The following BAHCC1 variants were observed in gnomAD, a reference collection of about 807,000 sequenced individuals.
The protein encoded by BAHCC1 is BAH and coiled-coil domain-containing protein 1.
A neutral mutation model predicts 88.2 loss-of-function variants in BAHCC1; 43 were observed. The observed-to-expected ratio is 0.49, with a 90% confidence interval of 0.38 to 0.63. The LOEUF (loss-of-function observed/expected upper bound fraction) is 0.63. Ranked by LOEUF, BAHCC1 falls within the 20% of genes least tolerant of loss-of-function variation. The pLI is 0.00. For missense variants in BAHCC1, 3,023 were observed against 1,654.8 expected, an observed-to-expected ratio of 1.83 and a Z score of -14.34; for synonymous variants, 1,510 against 745.5, an observed-to-expected ratio of 2.03 and a Z score of -16.71.
In BAHCC1 at chr17:81,399,791, A is replaced by G; in HGVS notation, c.52A>G (p.Ser18Gly). 7.9e-7 allele frequency: 1 copy of G among 1,259,202 alleles called. No individual in the cohort carries two copies. Among genetic ancestry groups the G allele is most frequent in the Non-Finnish European group, 1.0e-6 (1 of 1,003,996 alleles). 78.0% of individuals were successfully genotyped at this position (1,259,202 alleles called of 1,614,324 possible). ...GCCGCATCTGCTGTCGGAGCGCGGG[A>G]GCCTGGGCCACCGCAGCGCCGCTGC... ...PPPHLLSERGSLGHRSAAAAA... is the reference protein window; with the variant it reads ...PPPHLLSERGGLGHRSAAAAA... The change falls in exon 2 of 28, where the codon AGC becomes GGC. Residue 18 changes from serine to glycine, a missense_variant. Transcript: ENST00000675386. The surrounding 1 kb of genome is among the most constrained non-coding windows in gnomAD (Gnocchi z 4.5).
chr17:81,420,840 G>C (rs1462023329), intron 2 of BAHCC1, among the ~76,000 whole-genome samples: 1 of 152,268 alleles, frequency 6.6e-6, no homozygotes, highest in East Asian at 1.9e-4. Flanking sequence ...CCTGTGATGA[G>C]AGCTGATGGG....
intron 2 of BAHCC1, among the ~76,000 whole-genome samples, chr17:81,418,934 TCACA>T (rs1239928067): frequency 1.3e-5 from 2 of 151,650 alleles, no homozygotes; most frequent in African/African-American, 4.9e-5. Flanking sequence ...ACCCCGTGAG[TCACA>T]CACAGTCCCT....
intron 2 of BAHCC1, among the ~76,000 whole-genome samples, chr17:81,425,803 G>A (rs2143400829): frequency 6.8e-6 from 1 of 146,964 alleles, no homozygotes; most frequent in African/African-American, 2.5e-5. Context: ...GGGTGATGGT[G>A]GGTCGTGGTG....
intron 2 of BAHCC1, chr17:81,407,066 T>C (rs1248960481): frequency 2.3e-6 from 1 of 442,518 alleles, no homozygotes; most frequent in African/African-American, 2.0e-5. Flanking sequence ...ATGCGGGGAC[T>C]CTGAGGCTGG....
Position 81,435,359 on chromosome 17 carries a change from C to A in BAHCC1, c.359-3011C>A. On this transcript the variant is annotated intron_variant, in intron 3 of 27. Transcript: ENST00000675386. This position sits in a 1 kb window ranked among gnomAD's most constrained non-coding sequence, Gnocchi z 4.4. ...CAGGACTGAGTTTGGAGTCTCCTGC[C>A]CACCGCAGTAGCAGGGGCAGGATGT... 3 of 453,410 alleles carry A rather than the reference C, an allele frequency of 6.6e-6. No individual in the cohort carries two copies. Among genetic ancestry groups the A allele is most frequent in the South Asian group, 4.7e-5 (3 of 63,832 alleles). 28.1% of individuals were successfully genotyped at this position (453,410 alleles called of 1,614,324 possible). A position where few individuals can be genotyped will look rare whatever the true frequency, so the allele number is the denominator to read the frequency against.
intron 14 of BAHCC1, among the ~76,000 whole-genome samples, chr17:81,453,411 G>T (rs111617931): frequency 0.018 from 2,693 of 152,362 alleles, 102 homozygotes; most frequent in African/African-American, 0.061. Flanking sequence ...GTGCGTGTGC[G>T]CACTGCATCA....
At chr17:81,450,712 AG>A (rs1251850342) in intron 11 of BAHCC1, among the ~76,000 whole-genome samples, 1 of 152,082 alleles carries the variant, frequency 6.6e-6, no homozygotes, top group Non-Finnish European at 1.5e-5. Flanking sequence ...TGCTCCTCTG[AG>A]AAGGGTCACA....
rs782384207 is a variant in BAHCC1, at chr17:81,452,124, G to A, written c.4316+17G>A. The A allele has an allele frequency of 1.9e-5, 11 of 592,674 alleles. No individual in the cohort carries two copies. The highest frequency in any genetic ancestry group is 4.5e-4 in the Middle Eastern group (1 of 2,212). 36.7% of individuals were successfully genotyped at this position (592,674 alleles called of 1,614,324 possible). A position where few individuals can be genotyped will look rare whatever the true frequency, so the allele number is the denominator to read the frequency against. On this transcript the variant is annotated intron_variant, in intron 13 of 27. Transcript: ENST00000675386. ...CGACCATGAGTACGCCTGGCGTGGC[G>A]GGGGGGCCTGGGAGGGTCGCAGCAC...
Position 81,434,205 on chromosome 17 carries a change from A to T in BAHCC1, c.359-4165A>T, listed in dbSNP as rs1277827904. Among the ~76,000 whole-genome samples, 1 of 152,130 alleles carries T rather than the reference A, an allele frequency of 6.6e-6. No individual in the cohort carries two copies. Among genetic ancestry groups the T allele is most frequent in the Non-Finnish European group, 1.5e-5 (1 of 68,008 alleles). ...ACAGTGGGTATTTGAGACAGTGCCC[A>T]CAGCCTCCCACGTTCCCCAGGGCCT... On this transcript the variant is annotated intron_variant, in intron 3 of 27. Transcript: ENST00000675386. The surrounding 1 kb of genome is among the most constrained non-coding windows in gnomAD (Gnocchi z 4.9).
chr17:81,413,068 C>T (rs782163476), intron 2 of BAHCC1: 36 of 418,500 alleles, frequency 8.6e-5, no homozygotes, highest in African/African-American at 3.9e-4. Flanking sequence ...CCACACCAAG[C>T]GCCAATTACA....
intron 2 of BAHCC1, among the ~76,000 whole-genome samples, chr17:81,417,699 G>A (rs961932393): frequency 7.2e-5 from 11 of 152,150 alleles, no homozygotes; most frequent in East Asian, 5.8e-4. Flanking sequence ...CCGTTTCCAC[G>A]CTGATTGGGT....
intron 2 of BAHCC1, among the ~76,000 whole-genome samples, chr17:81,416,692 G>GC (rs1330486224): frequency 1.3e-5 from 2 of 152,198 alleles, no homozygotes; most frequent in Non-Finnish European, 2.9e-5. Context: ...GTGAGAGCCT[G>GC]CCCCCCTGGC....
intron 11 of BAHCC1, among the ~76,000 whole-genome samples, chr17:81,449,275 C>G (rs1392966149): frequency 1.3e-5 from 2 of 152,154 alleles, no homozygotes; most frequent in African/African-American, 4.8e-5. Context: ...CATGGTCCCC[C>G]CCTGGGCCCC....
chr17:81,421,536 G>A (rs1469916990), intron 2 of BAHCC1, among the ~76,000 whole-genome samples: 2 of 152,210 alleles, frequency 1.3e-5, no homozygotes. Context: ...CACTCGCAGG[G>A]GTCACCACAG....
chr17:81,433,733 G>T (rs1216816016), intron 3 of BAHCC1, among the ~76,000 whole-genome samples: 1 of 152,012 alleles, frequency 6.6e-6, no homozygotes, highest in African/African-American at 2.4e-5. Context: ...CCCCGGGCAG[G>T]TGTCGTCAGT....
intron 10 of BAHCC1, among the ~76,000 whole-genome samples, chr17:81,446,110 G>T (rs1413866642): frequency 5.9e-5 from 9 of 152,136 alleles, no homozygotes; most frequent in African/African-American, 1.9e-4. Context: ...CTCGGGCCTG[G>T]CCTCGGCCCC....
chr17:81,412,156 T>C (rs1357305870), intron 2 of BAHCC1, among the ~76,000 whole-genome samples: 1 of 152,178 alleles, frequency 6.6e-6, no homozygotes. Context: ...ATCTCCGTAG[T>C]GGGACAGCTA....
At chr17:81,433,595 C>T (rs112222327) in intron 3 of BAHCC1, among the ~76,000 whole-genome samples, 16,163 of 145,492 alleles carry the variant, frequency 0.11, 1,104 homozygotes, top group Non-Finnish European at 0.16. Flanking sequence ...CCGAGGTCCC[C>T]GTGTGCTCAG....
At chr17:81,444,027 C>G (rs1312154823) in intron 6 of BAHCC1, 110 bp downstream of exon 6, 1 of 653,542 alleles carries the variant, frequency 1.5e-6, no homozygotes, top group African/African-American at 1.8e-5. Flanking sequence ...GCAGCAGATT[C>G]TATGGCCGGC....
Sources: gnomAD v4.1 joint callset for allele counts (sites outside exome capture counted in the v4.1 genomes callset) on GRCh38, gnomAD v4.1.1 for gene constraint, Gnocchi (gnomAD v3.1) non-coding constraint, MANE v1.5 for transcripts, NCBI Gene and HGNC (gene_info 2026-07-23, HGNC 2026-07-21) for gene names.